The following CRISP3 variants were observed in gnomAD, a reference collection of about 807,000 sequenced individuals.
CRISP3 encodes cysteine-rich secretory protein 3.
CRISP3 carries 33 observed loss-of-function variants against 36.1 expected under a neutral mutation model. The ratio of observed to expected loss-of-function variants is 0.91; its 90% confidence interval spans 0.69 to 1.22. CRISP3 has a LOEUF of 1.22. Among genes scored for constraint, CRISP3 ranks in the 50% most tolerant of loss-of-function variants. CRISP3 has a pLI of 0.00. For missense variants in CRISP3, 330 were observed against 301.2 expected (o/e 1.10, Z -0.71); for synonymous variants, 117 against 104.6 (o/e 1.12, Z -0.72).
At chr6:49,731,366 G>A in intron 6 of CRISP3, 115 bp from the exon 7 acceptor site, 1 of 480,398 alleles carries the variant, frequency 2.1e-6, no homozygotes, top group Non-Finnish European at 3.7e-6. Context: ...TTTTAATTAT[G>A]TCAAATAATT....
chr6:49,735,494 ATTTACATAC>A lies in CRISP3; in HGVS notation c.316+1_316+9del. On this transcript the variant is annotated splice_donor_variant and splice_donor_5th_base_variant and intron_variant, in intron 4 of 7. Transcript: ENST00000263045. LOFTEE classifies it high-confidence loss of function. ...TGATTTATTCAACAAATATTTCCTA[ATTTACATAC>A]TTGTCATTCGATCCTTTGGGTTACT... 6.3e-7 allele frequency: 1 copy of A among 1,585,410 alleles called. No homozygotes were observed. Among genetic ancestry groups the A allele is most frequent in the African/African-American group, 1.3e-5 (1 of 74,252 alleles).
chr6:49,737,761 C>T (rs1769096875), intron 1 of CRISP3, among the ~76,000 whole-genome samples: 1 of 152,206 alleles, frequency 6.6e-6, no homozygotes, highest in Admixed American at 6.5e-5. Flanking sequence ...TAGCTTCCAA[C>T]TGTGTTTATT....
At chr6:49,742,005 A>C (rs575474941) in intron 1 of CRISP3, among the ~76,000 whole-genome samples, 2 of 151,320 alleles carry the variant, frequency 1.3e-5, no homozygotes, top group African/African-American at 4.8e-5. Context: ...CAAAATTAAC[A>C]ATTTTGCTAG....
intron 6 of CRISP3, among the ~76,000 whole-genome samples, chr6:49,732,377 T>C (rs1347968803): frequency 6.6e-6 from 1 of 152,182 alleles, no homozygotes; most frequent in African/African-American, 2.4e-5. Flanking sequence ...AAATAAGCCA[T>C]GCAGAAAGCT....
At chr6:49,735,452 T>C in intron 4 of CRISP3, 52 bp downstream of exon 4, 1 of 1,374,836 alleles carries the variant, frequency 7.3e-7, no homozygotes, top group Non-Finnish European at 1.0e-6. Flanking sequence ...CATAACATGG[T>C]TTATTATTTT....
intron 7 of CRISP3, 97 bp from the exon 8 acceptor site, chr6:49,728,954 T>C: frequency 8.5e-7 from 1 of 1,176,574 alleles, no homozygotes; most frequent in Non-Finnish European, 1.2e-6. Flanking sequence ...AGTAGGGAAG[T>C]GAGCAAACAA....
chr6:49,732,652 T>C (rs1251835292), intron 6 of CRISP3, among the ~76,000 whole-genome samples: 1 of 152,204 alleles, frequency 6.6e-6, no homozygotes, highest in Non-Finnish European at 1.5e-5. Context: ...CATTATCTTT[T>C]CTTGGCTATT....
chr6:49,728,906 T>C lies in CRISP3; in HGVS notation c.650-49A>G, dbSNP rs762856384. The stretch of plus-strand genomic sequence containing the variant: ...GTCACTTCATTATCATTTTCTTTCA[T>C]AACAGCAACACAAACAAAACATTCT... On this transcript the variant is annotated intron_variant, in intron 7 of 7. Coordinates refer to ENST00000263045, the MANE Select transcript of CRISP3 (RefSeq NM_006061.4). The C allele has an allele frequency of 1.9e-6, 3 of 1,559,024 alleles. No individual in the cohort carries two copies. The South Asian group carries it at 3.5e-5, about 18-fold the overall frequency.
At chr6:49,735,616 A>G in intron 3 of CRISP3, 25 bp from the exon 4 acceptor site, 1 of 1,566,774 alleles carries the variant, frequency 6.4e-7, no homozygotes, top group South Asian at 1.1e-5. Context: ...GAAAAAAGAT[A>G]TCCACTTAAT....
chr6:49,740,719 C>T (rs1424504073), intron 1 of CRISP3, among the ~76,000 whole-genome samples: 1 of 144,558 alleles, frequency 6.9e-6, no homozygotes, highest in Non-Finnish European at 1.5e-5. Context: ...ACAATCGATT[C>T]CTCTTTATTT....
At position 49,728,304 on chromosome 6, in the gene CRISP3, C is replaced by T. The variant is rs911238415; in HGVS notation, c.*426G>A. ...GAAAACGTCTTTGAAGATGCTTAGC[C>T]TTAGAGTGGAGCTAGGAAAGGCAAC... On this transcript the variant is annotated 3_prime_UTR_variant, in exon 8 of 8. Coordinates refer to ENST00000263045, the MANE Select transcript of CRISP3 (RefSeq NM_006061.4). 2 of 152,990 alleles carry T rather than the reference C, an allele frequency of 1.3e-5. No homozygotes were observed. The highest frequency in any genetic ancestry group is 4.8e-5 in the African/African-American group (2 of 41,430). The allele number at this position is 152,990 out of a possible 1,614,324, so 9.5% of individuals were successfully genotyped here.
chr6:49,737,460 G>C (rs1769086658), intron 1 of CRISP3, 62 bp from the exon 2 acceptor site: 1 of 1,563,020 alleles, frequency 6.4e-7, no homozygotes, highest in African/African-American at 1.4e-5. Context: ...ATGCTGTTGA[G>C]TAACATGGGG....
At chr6:49,733,019 C>G (rs970784637) in intron 6 of CRISP3, among the ~76,000 whole-genome samples, 176 bp downstream of exon 6, 5 of 152,142 alleles carry the variant, frequency 3.3e-5, no homozygotes, top group African/African-American at 1.2e-4. Context: ...ATACTTGGAA[C>G]TGGAACTGAA....
intron 1 of CRISP3, among the ~76,000 whole-genome samples, chr6:49,739,389 C>A (rs546433672): frequency 1.3e-5 from 2 of 152,230 alleles, no homozygotes; most frequent in Admixed American, 1.3e-4. Flanking sequence ...CCCTCAGAGT[C>A]CTGGTATATA....
Position 49,731,119 on chromosome 6 carries a change from CA to C in CRISP3, c.649+43del, listed in dbSNP as rs749467456. On this transcript the variant is annotated intron_variant, in intron 7 of 7. Coordinates refer to ENST00000263045, the MANE Select transcript of CRISP3 (RefSeq NM_006061.4). ...ATTTCCCAATTCTTAGAAGAAATGT[CA>C]GATCATTTTATTTTATTATCAAGTT... 665 of 1,311,996 alleles carry C rather than the reference CA, an allele frequency of 5.1e-4. 1 individual carries two copies. The highest frequency in any genetic ancestry group is 6.6e-4 in the Non-Finnish European group (616 of 928,804). 81.3% of individuals were successfully genotyped at this position (1,311,996 alleles called of 1,614,324 possible).
At position 49,728,599 on chromosome 6, in the gene CRISP3, T is replaced by C. The variant is rs1399614722; in HGVS notation, c.*131A>G. 1.4e-6 allele frequency: 1 copy of C among 732,072 alleles called. No homozygotes were observed. The highest frequency in any genetic ancestry group is 1.8e-5 in the African/African-American group (1 of 55,114). The allele number at this position is 732,072 out of a possible 1,614,324, so 45.3% of individuals were successfully genotyped here. On this transcript the variant is annotated 3_prime_UTR_variant, in exon 8 of 8. Coordinates refer to ENST00000263045, the MANE Select transcript of CRISP3 (RefSeq NM_006061.4). ...AAAAAGCAGATCCAGAAGAAAAACATTTGAAATCAAATGTGTATCAAACAT... is the reference window on the plus strand; with the variant it reads ...AAAAAGCAGATCCAGAAGAAAAACACTTGAAATCAAATGTGTATCAAACAT...
Position 49,733,196 on chromosome 6 carries a change from C to T in CRISP3, c.559G>A (p.Ala187Thr), listed in dbSNP as rs368781556. The change falls in exon 6 of 8, where the codon GCT becomes ACT. Residue 187 changes from alanine to threonine, a missense_variant and splice_region_variant. Transcript: ENST00000263045. ...ATAAACGCTAAAATATATACTTACG[C>T]AGGACAATATTGGCAAACATAGTAG... ...KYYYVCQYCP[A>T]GNWANRLYVP... 2 of 1,549,138 alleles carry T rather than the reference C, an allele frequency of 1.3e-6. No homozygotes were observed. The highest frequency in any genetic ancestry group is 1.8e-6 in the Non-Finnish European group (2 of 1,130,484).
Position 49,728,797 on chromosome 6 carries a change from G to T in CRISP3, c.710C>A (p.Thr237Asn), listed in dbSNP as rs1462903848. ...GTCCCTGACCAACTGATGTTTACAG[G>T]TTAATGTGAGCTTCAAACTTTTACA... ...SNCKSLKLTL[T>N]CKHQLVRDSC... Residue 237 changes from threonine to asparagine, a missense_variant, in exon 8 of 8, where the codon ACC becomes AAC. Transcript: ENST00000263045. The T allele has an allele frequency of 8.1e-6, 13 of 1,612,636 alleles. No homozygotes were observed. Among genetic ancestry groups the T allele is most frequent in the Non-Finnish European group, 1.1e-5 (13 of 1,179,176 alleles).
chr6:49,731,804 T>C (rs945408112), intron 6 of CRISP3, among the ~76,000 whole-genome samples: 2 of 152,158 alleles, frequency 1.3e-5, no homozygotes, highest in Non-Finnish European at 2.9e-5. Context: ...TTTTGCTGTA[T>C]GTTTGTGAAA....
Sources: gnomAD v4.1 joint callset for allele counts (sites outside exome capture counted in the v4.1 genomes callset) on GRCh38, gnomAD v4.1.1 for gene constraint, MANE v1.5 for transcripts, NCBI Gene and HGNC (gene_info 2026-07-23, HGNC 2026-07-21) for gene names.